Variants in SFMBT1 observed in about 807,000 individuals in gnomAD.
SFMBT1 encodes the protein Scm like with four mbt domains 1, also known as scm-like with four MBT domains protein 1.
Under a neutral mutation model 108.7 loss-of-function variants are expected in SFMBT1, and 32 were observed. The observed-to-expected ratio is 0.29, with a 90% confidence interval of 0.22 to 0.40. The LOEUF is 0.40. Among genes scored for constraint, SFMBT1 ranks in the 10% least tolerant of loss-of-function variants. The pLI is 1.00. For synonymous variants in SFMBT1, 348 were observed against 369.5 expected, an observed-to-expected ratio of 0.94 and a Z score of 0.67; for missense variants, 816 against 1,059.6, an observed-to-expected ratio of 0.77 and a Z score of 3.19.
At chr3:52,921,177 A>G (rs1702509672) in intron 11 of SFMBT1, among the ~76,000 whole-genome samples, 1 of 152,246 alleles carries the variant, frequency 6.6e-6, no homozygotes, top group African/African-American at 2.4e-5. Context: ...CAGAAACAGT[A>G]GGTACCTTCT....
chr3:52,990,174 G>A (rs943171347), intron 1 of SFMBT1, among the ~76,000 whole-genome samples: 2 of 152,180 alleles, frequency 1.3e-5, no homozygotes, highest in East Asian at 3.8e-4. Flanking sequence ...CATCATAAAG[G>A]TAAAAATAAC....
intron 1 of SFMBT1, among the ~76,000 whole-genome samples, chr3:52,971,591 G>C (rs1158451100): frequency 6.6e-6 from 1 of 152,140 alleles, no homozygotes; most frequent in African/African-American, 2.4e-5. Context: ...ACTACTGTAG[G>C]GGTGGGGTAA....
In SFMBT1 at chr3:52,906,949, T is replaced by G. The variant is rs544509534; in HGVS notation, c.2331+120A>C. The G allele has an allele frequency of 7.6e-6, 10 of 1,310,120 alleles. No homozygotes were observed. The Admixed American group carries it at 2.7e-4, about 36-fold the overall frequency. The allele number at this position is 1,310,120 out of a possible 1,614,324, so 81.2% of individuals were successfully genotyped here. ...TTTGGGGTCACTTTACAAGAGACCC[T>G]GGAAATTCTACATAAGTCTGTATTG... is the stretch of plus-strand genomic sequence containing the variant. On this transcript the variant is annotated intron_variant, in intron 19 of 20. Transcript: ENST00000394752.
chr3:53,045,583 C>A (rs1700207844), intron 1 of SFMBT1, among the ~76,000 whole-genome samples: 1 of 142,576 alleles, frequency 7.0e-6, no homozygotes, highest in Non-Finnish European at 1.6e-5. Flanking sequence ...CGCGGGACCG[C>A]GGGGCCGCGC....
chr3:53,009,142 C>T (rs1011867798), intron 1 of SFMBT1, among the ~76,000 whole-genome samples: 7 of 151,794 alleles, frequency 4.6e-5, no homozygotes, highest in Admixed American at 2.0e-4. Context: ...AAAGAAAAAA[C>T]AGGAAGTGAG....
intron 1 of SFMBT1, among the ~76,000 whole-genome samples, chr3:53,028,940 A>T (rs1338216248): frequency 6.6e-6 from 1 of 152,128 alleles, no homozygotes; most frequent in Non-Finnish European, 1.5e-5. Context: ...TGGGAGGCCA[A>T]GACAGGCAGA....
chr3:52,957,275 AGACCCCTTCAAG>A (rs1703813039), intron 2 of SFMBT1, among the ~76,000 whole-genome samples: 1 of 152,184 alleles, frequency 6.6e-6, no homozygotes, highest in African/African-American at 2.4e-5. Context: ...GGGAAGTGAA[AGACCCCTTCAAG>A]GAGAACTACA....
intron 4 of SFMBT1, among the ~76,000 whole-genome samples, chr3:52,941,533 G>A (rs1164673529): frequency 1.4e-5 from 2 of 144,376 alleles, no homozygotes; most frequent in Non-Finnish European, 3.0e-5. Flanking sequence ...GGTGGAGGCT[G>A]CAGTGAGCTG....
intron 11 of SFMBT1, 60 bp downstream of exon 11, chr3:52,921,645 G>A (rs1702522315): frequency 4.4e-6 from 7 of 1,579,480 alleles, no homozygotes; most frequent in Non-Finnish European, 6.0e-6. Context: ...CATTACAGGA[G>A]TAAACAGGAA....
rs558490154 is a variant in SFMBT1, at chr3:53,042,615, T to C, written c.-131+3201A>G. The stretch of plus-strand genomic sequence containing the variant: ...TGCCTAGCCTCCCAAAGTGCTGGGA[T>C]TATAGGCGTGAGCCACTGTGCCTAG... On this transcript the variant is annotated intron_variant, in intron 1 of 20. Transcript: ENST00000394752. Among the ~76,000 whole-genome samples, 16 of 152,342 alleles carry C rather than the reference T, an allele frequency of 1.1e-4. 1 individual carries two copies. In the South Asian group the frequency reaches 1.9e-3, roughly 18 times the overall value.
At chr3:53,013,107 T>C (rs964010504) in intron 1 of SFMBT1, among the ~76,000 whole-genome samples, 3 of 151,810 alleles carry the variant, frequency 2.0e-5, no homozygotes, top group Admixed American at 6.6e-5. Flanking sequence ...GCTTTAGGAA[T>C]TGTGGAGCTA....
At chr3:52,995,790 G>A (rs908109139) in intron 1 of SFMBT1, among the ~76,000 whole-genome samples, 3 of 149,990 alleles carry the variant, frequency 2.0e-5, no homozygotes, top group Non-Finnish European at 4.5e-5. Context: ...CTTCAGGCCA[G>A]GTGCCACCCC....
intron 12 of SFMBT1, 108 bp from the exon 13 acceptor site, chr3:52,918,634 AGT>A (rs1168960674): frequency 1.9e-5 from 11 of 567,340 alleles, no homozygotes; most frequent in East Asian, 3.2e-5. Flanking sequence ...GTTCTGTGTG[AGT>A]GTGTGTGTAT....
In SFMBT1 at chr3:52,998,501, C is replaced by T. The variant is rs1034955623; in HGVS notation, c.-130-29243G>A. Among the ~76,000 whole-genome samples, 22 of 150,392 alleles carry T rather than the reference C, an allele frequency of 1.5e-4. 1 individual carries two copies. Among genetic ancestry groups the T allele is most frequent in the African/African-American group, 4.6e-4 (19 of 41,310 alleles). On this transcript the variant is annotated intron_variant, in intron 1 of 20. Coordinates refer to ENST00000394752, the MANE Select transcript of SFMBT1 (RefSeq NM_016329.4). ...TCAAGCTGAGGACCACCCACCATGC[C>T]CCCATCATGGTGGTTCCCCTAGGTG...
At position 52,952,650 on chromosome 3, in the gene SFMBT1, C is replaced by A. The variant is rs571772602; in HGVS notation, c.123+1667G>T. 6.6e-5 allele frequency among the ~76,000 whole-genome samples: 10 copies of A among 152,256 alleles called. No homozygotes were observed. In the East Asian group the frequency reaches 1.9e-3, roughly 29 times the overall value. The stretch of plus-strand genomic sequence containing the variant: ...TTCACTTTCTGCTTCAAAGATGGTG[C>A]CTTCTTGCTGTCTTCACATGGTGGA... On this transcript the variant is annotated intron_variant, in intron 3 of 20. Coordinates refer to ENST00000394752, the MANE Select transcript of SFMBT1 (RefSeq NM_016329.4).
intron 1 of SFMBT1, among the ~76,000 whole-genome samples, chr3:53,036,963 G>A (rs749138276): frequency 6.6e-5 from 10 of 152,140 alleles, no homozygotes; most frequent in Non-Finnish European, 1.0e-4. Flanking sequence ...GACTCTGGGA[G>A]AAAATGAAGG....
At chr3:52,920,449 C>T in intron 12 of SFMBT1, 88 bp downstream of exon 12, 13 of 905,064 alleles carry the variant, frequency 1.4e-5, no homozygotes, top group Admixed American at 8.0e-5. Context: ...TTTTTTTTCT[C>T]TGAAATGTCC....
intron 1 of SFMBT1, among the ~76,000 whole-genome samples, chr3:52,984,866 C>T (rs1037176223): frequency 1.6e-4 from 25 of 151,824 alleles, no homozygotes; most frequent in Admixed American, 1.2e-3. Flanking sequence ...AGTATGACCA[C>T]TTCGCAGCCC....
intron 2 of SFMBT1, among the ~76,000 whole-genome samples, chr3:52,958,321 TG>T (rs1703848278): frequency 6.6e-6 from 1 of 152,176 alleles, no homozygotes; most frequent in Non-Finnish European, 1.5e-5. Flanking sequence ...CTGGGCAGGG[TG>T]GCTCATGCCT....
Sources: gnomAD v4.1 joint callset for allele counts (sites outside exome capture counted in the v4.1 genomes callset) on GRCh38, gnomAD v4.1.1 for gene constraint, MANE v1.5 for transcripts, NCBI Gene and HGNC (gene_info 2026-07-23, HGNC 2026-07-21) for gene names.